TSPAN13: variants seen among roughly 807,000 people sequenced by gnomAD.
TSPAN13 encodes the protein tetraspanin-13.
In TSPAN13, 18 loss-of-function variants were observed where a neutral mutation model predicts 26.9. The ratio of observed to expected loss-of-function variants is 0.67; its 90% CI spans 0.46 to 0.99. The LOEUF is 0.99. TSPAN13 is among the 50% of genes least tolerant of loss of function. The pLI is 0.00. For synonymous variants in TSPAN13, 116 were observed against 98.4 expected, an observed-to-expected ratio of 1.18 and a Z score of -1.06; for missense variants, 201 against 249.6, an observed-to-expected ratio of 0.81 and a Z score of 1.31.
At chr7:16,760,623 G>A (rs114254862) in intron 1 of TSPAN13, among the ~76,000 whole-genome samples, 2,828 of 152,184 alleles carry the variant, frequency 0.019, 82 homozygotes, top group African/African-American at 0.064. Flanking sequence ...GAGGGTAGAT[G>A]GAGAAGGGCA....
intron 1 of TSPAN13, among the ~76,000 whole-genome samples, chr7:16,775,418 C>G (rs1784730269): frequency 6.6e-6 from 1 of 152,192 alleles, no homozygotes; most frequent in Non-Finnish European, 1.5e-5. Context: ...GCTCAGAATA[C>G]TAGTTCACTT....
chr7:16,782,394 C>A (rs1206376301), intron 5 of TSPAN13, among the ~76,000 whole-genome samples: 2 of 152,168 alleles, frequency 1.3e-5, no homozygotes, highest in Admixed American at 6.5e-5. Context: ...GCTACAAAGT[C>A]ACATAAACAA....
At chr7:16,772,377 A>C (rs560299238) in intron 1 of TSPAN13, among the ~76,000 whole-genome samples, 16 of 152,172 alleles carry the variant, frequency 1.1e-4, no homozygotes, top group Admixed American at 2.0e-4. Context: ...GTGACTCAAA[A>C]TAACAGAAAT....
At chr7:16,761,618 A>C (rs910669350) in intron 1 of TSPAN13, among the ~76,000 whole-genome samples, 1 of 151,902 alleles carries the variant, frequency 6.6e-6, no homozygotes, top group African/African-American at 2.4e-5. Flanking sequence ...CCTGGGCCCA[A>C]GCGATCCTCT....
intron 5 of TSPAN13, among the ~76,000 whole-genome samples, chr7:16,782,496 A>G (rs1486892191): frequency 6.6e-6 from 1 of 152,206 alleles, no homozygotes; most frequent in Non-Finnish European, 1.5e-5. Flanking sequence ...TTTTTAGCCT[A>G]AAGAGTTACA....
chr7:16,755,058 G>A (rs1784467256), intron 1 of TSPAN13, among the ~76,000 whole-genome samples: 1 of 151,976 alleles, frequency 6.6e-6, no homozygotes, highest in African/African-American at 2.4e-5. Context: ...GTCTCTACCG[G>A]GCGGAAGAAA....
rs375631350 is a variant in TSPAN13, at chr7:16,783,537, T to G, written c.*46T>G. The G allele has an allele frequency of 3.2e-6, 5 of 1,558,038 alleles. No individual in the cohort carries two copies. The highest frequency in any genetic ancestry group is 1.7e-5 in the Admixed American group (1 of 59,630). ...CCTTTCGTATTATGATCTTGTTCAC[T>G]TTCTGTAATTTTCTGTTAAGCTCCA... On this transcript the variant is annotated 3_prime_UTR_variant, in exon 6 of 6. Transcript: ENST00000262067.
rs1178294291 is a variant in TSPAN13, at chr7:16,784,095, G to T, written c.*604G>T. On this transcript the variant is annotated 3_prime_UTR_variant, in exon 6 of 6. Coordinates refer to ENST00000262067, the MANE Select transcript of TSPAN13 (RefSeq NM_014399.4). ...CTTAGGAAATTGTGGTTTAATTTTT[G>T]ACTTTTACAGGTAAGTGCAAAGGAG... 2 of 152,538 alleles carry T rather than the reference G, an allele frequency of 1.3e-5. No homozygotes were observed. The highest frequency in any genetic ancestry group is 4.8e-5 in the African/African-American group (2 of 41,388). The allele number at this position is 152,538 out of a possible 1,614,324, so 9.4% of individuals were successfully genotyped here.
chr7:16,773,282 A>T (rs1784703479), intron 1 of TSPAN13, among the ~76,000 whole-genome samples: 1 of 151,124 alleles, frequency 6.6e-6, no homozygotes, highest in African/African-American at 2.4e-5. Context: ...GATCCATCTC[A>T]TTGACTATTT....
Position 16,753,854 on chromosome 7 carries a change from T to C in TSPAN13, c.-114T>C. 1.8e-6 allele frequency: 2 copies of C among 1,141,090 alleles called. 1 individual carries two copies. The highest frequency in any genetic ancestry group is 4.8e-4 in the Middle Eastern group (2 of 4,126). The allele number at this position is 1,141,090 out of a possible 1,614,324, so 70.7% of individuals were successfully genotyped here. A position where few individuals can be genotyped will look rare whatever the true frequency, so the allele number is the denominator to read the frequency against. ...CCCAGGCCCCGGCCCCCCACCCACG[T>C]CTGCGTTGCTGCCCCGCCTGGGCCA... On this transcript the variant is annotated 5_prime_UTR_variant, in exon 1 of 6. Transcript: ENST00000262067.
At chr7:16,768,062 G>A (rs1396298590) in intron 1 of TSPAN13, among the ~76,000 whole-genome samples, 1 of 152,024 alleles carries the variant, frequency 6.6e-6, no homozygotes, top group African/African-American at 2.4e-5. Context: ...ACAGGCGGGT[G>A]CCACCACGCC....
rs775324068 is a variant in TSPAN13, at chr7:16,779,049, TAGG to T, written c.476_478del (p.Gly159del). ...TCGTGCTCGCCATGTGCTCCAATCA[TAGG>T]AGAATATGCTGGAGAGGTTTTGAGA... is the stretch of plus-strand genomic sequence containing the variant. On this transcript the variant is annotated inframe_deletion, in exon 5 of 6. Transcript: ENST00000262067. 1 of 1,614,156 alleles carries T rather than the reference TAGG, an allele frequency of 6.2e-7. No individual in the cohort carries two copies. The highest frequency in any genetic ancestry group is 8.5e-7 in the Non-Finnish European group (1 of 1,179,982).
At chr7:16,769,576 A>C (rs1006801988) in intron 1 of TSPAN13, among the ~76,000 whole-genome samples, 1 of 152,180 alleles carries the variant, frequency 6.6e-6, no homozygotes, top group African/African-American at 2.4e-5. Context: ...AAGTATGTGA[A>C]AAAAATTTTT....
At chr7:16,766,085 A>G (rs1295173930) in intron 1 of TSPAN13, among the ~76,000 whole-genome samples, 1 of 152,254 alleles carries the variant, frequency 6.6e-6, no homozygotes, top group African/African-American at 2.4e-5. Flanking sequence ...ACTGATAATC[A>G]GATCTCATTA....
chr7:16,770,007 G>A lies in TSPAN13; in HGVS notation c.64-6204G>A, dbSNP rs78850617. ...CTTTCTCTTAAATAATTTTGCCAAG[G>A]GCTGTTACTTTTCTCTCCTTTAATG... On this transcript the variant is annotated intron_variant, in intron 1 of 5. Transcript: ENST00000262067. 1.8e-3 allele frequency among the ~76,000 whole-genome samples: 273 copies of A among 151,832 alleles called. 2 individuals are homozygous for A. The highest frequency in any genetic ancestry group is 6.4e-3 in the African/African-American group (267 of 41,422).
At chr7:16,765,677 G>A (rs1784596806) in intron 1 of TSPAN13, among the ~76,000 whole-genome samples, 2 of 152,146 alleles carry the variant, frequency 1.3e-5, no homozygotes, top group African/African-American at 4.8e-5. Context: ...GGAAAGGTTG[G>A]TGCTTACTGC....
chr7:16,763,085 T>TA (rs1784564806), intron 1 of TSPAN13, among the ~76,000 whole-genome samples: 1 of 152,100 alleles, frequency 6.6e-6, no homozygotes, highest in Admixed American at 6.6e-5. Flanking sequence ...CGGTAAAACT[T>TA]ACATTGGTGT....
chr7:16,772,278 TGA>T (rs1784688711), intron 1 of TSPAN13, among the ~76,000 whole-genome samples: 1 of 152,136 alleles, frequency 6.6e-6, no homozygotes, highest in Non-Finnish European at 1.5e-5. Context: ...TCTATAACAG[TGA>T]GAGGTTCCTG....
intron 1 of TSPAN13, among the ~76,000 whole-genome samples, chr7:16,759,994 G>A (rs574109237): frequency 6.6e-6 from 1 of 152,274 alleles, no homozygotes; most frequent in South Asian, 2.1e-4. Context: ...GCCAGGAGGA[G>A]TATTGCTGGT....
Sources: gnomAD v4.1 joint callset for allele counts (sites outside exome capture counted in the v4.1 genomes callset) on GRCh38, gnomAD v4.1.1 for gene constraint, MANE v1.5 for transcripts, NCBI Gene and HGNC (gene_info 2026-07-23, HGNC 2026-07-21) for gene names.